The following SPATS2L variants were observed in gnomAD, a reference collection of about 807,000 sequenced individuals.
SPATS2L encodes the protein spermatogenesis associated serine rich 2 like.
Under a neutral mutation model 59.6 loss-of-function variants are expected in SPATS2L, and 30 were observed. The ratio of observed to expected loss-of-function variants is 0.50; its 90% confidence interval spans 0.38 to 0.68. The LOEUF is 0.68. Among genes scored for constraint, SPATS2L ranks in the 30% least tolerant of loss-of-function variants. SPATS2L has a pLI of 0.00. For synonymous variants in SPATS2L, 252 were observed against 263.5 expected (o/e 0.96, Z 0.42); for missense variants, 615 against 700.0 (o/e 0.88, Z 1.37).
At chr2:200,361,942 C>T (rs182210479) in intron 2 of SPATS2L, among the ~76,000 whole-genome samples, 1 of 152,020 alleles carries the variant, frequency 6.6e-6, no homozygotes, top group South Asian at 2.1e-4. Flanking sequence ...CTTCTTAACC[C>T]AAAGGTGTGA....
chr2:200,410,291 A>T (rs779095697), intron 3 of SPATS2L, among the ~76,000 whole-genome samples: 1 of 152,160 alleles, frequency 6.6e-6, no homozygotes, highest in Admixed American at 6.5e-5. Flanking sequence ...CAATGAGGCA[A>T]ATAATGTGTA....
intron 2 of SPATS2L, among the ~76,000 whole-genome samples, chr2:200,344,479 C>T (rs1401598129): frequency 6.6e-6 from 1 of 152,116 alleles, no homozygotes; most frequent in Admixed American, 6.5e-5. Flanking sequence ...CACTGATGGG[C>T]ATTTAGGTTG....
chr2:200,459,524 CT>C (rs999877776), intron 8 of SPATS2L, among the ~76,000 whole-genome samples: 1 of 152,066 alleles, frequency 6.6e-6, no homozygotes, highest in South Asian at 2.1e-4. Flanking sequence ...GTCTAAAAGA[CT>C]TTTTTTTAGG....
chr2:200,331,877 A>G (rs2079955604), intron 2 of SPATS2L, among the ~76,000 whole-genome samples: 1 of 152,224 alleles, frequency 6.6e-6, no homozygotes, highest in South Asian at 2.1e-4. Flanking sequence ...AGTATGTCCC[A>G]TTTCTACGGT....
intron 1 of SPATS2L, chr2:200,309,115 A>G: frequency 2.8e-6 from 2 of 717,820 alleles, no homozygotes; most frequent in Non-Finnish European, 5.2e-6. Flanking sequence ...TTTACATCAG[A>G]AGTTAAGCTT....
At chr2:200,412,605 CAAAAAAA>C (rs11324274) in intron 4 of SPATS2L, among the ~76,000 whole-genome samples, 186 bp downstream of exon 4, 2 of 126,272 alleles carry the variant, frequency 1.6e-5, no homozygotes, top group East Asian at 4.9e-4. Flanking sequence ...GACCCCATCT[CAAAAAAA>C]AAAAAAAAAA....
At chr2:200,373,063 G>A (rs936298181) in intron 2 of SPATS2L, 1 of 152,158 alleles carries the variant, frequency 6.6e-6, no homozygotes, top group Non-Finnish European at 1.5e-5. Context: ...AGAAGTGTTT[G>A]TAAAGCAAGA....
rs191161843 is a variant in SPATS2L at position 200,454,875 on chromosome 2, T to C, written c.789-4894T>C. ...CAGTGGAAAGCCAATTAAAGAGTTA[T>C]GTATTTCTGTCAAGTACTCAGGATC... On this transcript the variant is annotated intron_variant, in intron 8 of 12. Coordinates refer to ENST00000409140, the MANE Select transcript of SPATS2L (RefSeq NM_001100423.2). 1.5e-4 allele frequency among the ~76,000 whole-genome samples: 23 copies of C among 152,316 alleles called. No individual in the cohort carries two copies. The South Asian group carries it at 4.4e-3, about 29-fold the overall frequency.
rs564331984 is a variant in SPATS2L, at chr2:200,317,311, A to G, written c.-73+10389A>G. 2.0e-5 allele frequency among the ~76,000 whole-genome samples: 3 copies of G among 152,344 alleles called. No individual in the cohort carries two copies. In the South Asian group the frequency reaches 6.2e-4, roughly 32 times the overall value. On this transcript the variant is annotated intron_variant, in intron 1 of 12. Transcript: ENST00000409140. ...AAGTTATTTAATCTTTCTGGACCCC[A>G]GTTTTCTCATGTATGAAGCAAAGTG...
At chr2:200,411,303 G>C (rs897089560) in intron 3 of SPATS2L, among the ~76,000 whole-genome samples, 1 of 152,062 alleles carries the variant, frequency 6.6e-6, no homozygotes, top group Non-Finnish European at 1.5e-5. Flanking sequence ...GAAATGTTCT[G>C]GTCAATAGCA....
chr2:200,419,205 A>G (rs749907074), intron 5 of SPATS2L, 45 bp from the exon 6 acceptor site: 18 of 1,501,000 alleles, frequency 1.2e-5, no homozygotes, highest in South Asian at 3.9e-5. Flanking sequence ...TTATATTTCA[A>G]GAGTCTGAGT....
intron 7 of SPATS2L, among the ~76,000 whole-genome samples, 178 bp downstream of exon 7, chr2:200,439,506 A>G (rs1574547690): frequency 6.6e-6 from 1 of 152,168 alleles, no homozygotes. Flanking sequence ...CCATGTAATC[A>G]AAGGTCTTGA....
intron 2 of SPATS2L, among the ~76,000 whole-genome samples, chr2:200,340,594 G>T (rs996427094): frequency 6.6e-6 from 1 of 152,062 alleles, no homozygotes; most frequent in Non-Finnish European, 1.5e-5. Context: ...CAGGAGGTGG[G>T]GAGGGCTGTG....
intron 6 of SPATS2L, among the ~76,000 whole-genome samples, chr2:200,425,965 C>T (rs1448703057): frequency 2.6e-5 from 4 of 151,942 alleles, no homozygotes; most frequent in Non-Finnish European, 4.4e-5. Context: ...GATCCCAGTG[C>T]TTCAATTCAG....
intron 2 of SPATS2L, among the ~76,000 whole-genome samples, chr2:200,356,301 GTAA>G (rs1409637433): frequency 6.6e-6 from 1 of 152,146 alleles, no homozygotes; most frequent in Non-Finnish European, 1.5e-5. Flanking sequence ...TCTGTTTATA[GTAA>G]TAATAATGAT....
chr2:200,477,540 C>CAAAAAAAAAAA (rs1459631567), intron 12 of SPATS2L, 96 bp from the exon 13 acceptor site: 1 of 451,982 alleles, frequency 2.2e-6, no homozygotes, highest in African/African-American at 3.7e-5. Context: ...AAAAAAAAAG[C>CAAAAAAAAAAA]TTACCTGTGG....
chr2:200,306,726 C>A lies in SPATS2L; in HGVS notation c.-269C>A. 1.0e-6 allele frequency: 1 copy of A among 970,638 alleles called. No individual in the cohort carries two copies. The highest frequency in any genetic ancestry group is 1.2e-6 in the Non-Finnish European group (1 of 824,170). The allele number at this position is 970,638 out of a possible 1,614,324, so 60.1% of individuals were successfully genotyped here. ...CAGTGAAGGAATCCAGTCCGGGGGC[C>A]GAGCTGGCTGCGCCCTCCGCTGCAA... is the stretch of plus-strand genomic sequence containing the variant. On this transcript the variant is annotated 5_prime_UTR_variant, in exon 1 of 13. Coordinates refer to ENST00000409140, the MANE Select transcript of SPATS2L (RefSeq NM_001100423.2).
intron 1 of SPATS2L, among the ~76,000 whole-genome samples, chr2:200,326,581 A>G (rs890232211): frequency 5.3e-5 from 8 of 152,174 alleles, no homozygotes; most frequent in African/African-American, 1.9e-4. Context: ...TTGCCATTGC[A>G]TAAAATAATT....
intron 1 of SPATS2L, among the ~76,000 whole-genome samples, chr2:200,324,406 G>T (rs1199593141): frequency 2.6e-5 from 4 of 152,158 alleles, no homozygotes; most frequent in African/African-American, 9.7e-5. Context: ...CAGGTGGTGA[G>T]GGTCAACCTG....
Sources: allele counts gnomAD v4.1 joint callset (sites outside exome capture counted in the v4.1 genomes callset), GRCh38; gene constraint gnomAD v4.1.1; transcripts MANE v1.5; gene names NCBI Gene and HGNC (gene_info 2026-07-23, HGNC 2026-07-21).